The following KCNIP4 variants were observed in gnomAD, a reference collection of about 807,000 sequenced individuals.
KCNIP4 encodes the protein potassium voltage-gated channel interacting protein 4, also known as Kv channel-interacting protein 4.
In KCNIP4, 12 loss-of-function variants were observed where a neutral mutation model predicts 34.0. That is an observed-to-expected ratio of 0.35 (90% confidence interval 0.23 to 0.57). The LOEUF (loss-of-function observed/expected upper bound fraction) is 0.57, where lower values mean the gene tolerates loss of function less well. Among genes scored for constraint, KCNIP4 ranks in the 20% least tolerant of loss-of-function variants. KCNIP4 has a pLI of 0.83. For synonymous variants in KCNIP4, 124 were observed against 102.2 expected (o/e 1.21, Z -1.29); for missense variants, 238 against 311.7 (o/e 0.76, Z 1.78).
intron 1 of KCNIP4, among the ~76,000 whole-genome samples, chr4:21,835,580 T>TA (rs1723268863): frequency 1.9e-5 from 2 of 105,138 alleles, no homozygotes; most frequent in Admixed American, 8.0e-5. Context: ...TTTTCTTACG[T>TA]TTTTTTTTGT....
chr4:21,836,641 T>C (rs1446529245), intron 1 of KCNIP4, among the ~76,000 whole-genome samples: 1 of 152,116 alleles, frequency 6.6e-6, no homozygotes, highest in Non-Finnish European at 1.5e-5. Flanking sequence ...AAAATGCTGG[T>C]CTCTAAAGGA....
chr4:21,715,965 T>A (rs1253792863), intron 1 of KCNIP4, among the ~76,000 whole-genome samples: 1 of 152,194 alleles, frequency 6.6e-6, no homozygotes, highest in East Asian at 1.9e-4. Context: ...GTTACTTTGA[T>A]ACGACTTCTC....
chr4:21,672,914 C>T (rs987751407), intron 1 of KCNIP4, among the ~76,000 whole-genome samples: 5 of 152,192 alleles, frequency 3.3e-5, no homozygotes, highest in Non-Finnish European at 5.9e-5. Flanking sequence ...AGACTGTTGG[C>T]GGGAGGCCTC....
At chr4:20,768,039 A>C (rs1395630098) in intron 3 of KCNIP4, among the ~76,000 whole-genome samples, 2 of 152,204 alleles carry the variant, frequency 1.3e-5, no homozygotes, top group African/African-American at 4.8e-5. Flanking sequence ...GCATTCTATA[A>C]TTGCAGGAGA....
At chr4:21,587,073 A>C (rs765838651) in intron 1 of KCNIP4, among the ~76,000 whole-genome samples, 1 of 152,084 alleles carries the variant, frequency 6.6e-6, no homozygotes, top group Non-Finnish European at 1.5e-5. Context: ...ACTGCTTTGC[A>C]TCTACTTTGA....
intron 1 of KCNIP4, among the ~76,000 whole-genome samples, chr4:21,256,302 G>T (rs1761057314): frequency 6.6e-6 from 1 of 151,662 alleles, no homozygotes; most frequent in Non-Finnish European, 1.5e-5. Context: ...ACAGTGAAGA[G>T]AAAAGTGGCT....
chr4:21,071,899 T>A (rs1744972362), intron 1 of KCNIP4, among the ~76,000 whole-genome samples: 1 of 152,190 alleles, frequency 6.6e-6, no homozygotes, highest in Non-Finnish European at 1.5e-5. Context: ...GGTGTTTGGT[T>A]TTTTGTCCTT....
intron 1 of KCNIP4, among the ~76,000 whole-genome samples, chr4:21,332,785 C>A (rs1330232791): frequency 6.6e-6 from 1 of 152,010 alleles, no homozygotes; most frequent in Non-Finnish European, 1.5e-5. Context: ...CCTGCTGTTT[C>A]CAATTCAAAG....
intron 1 of KCNIP4, among the ~76,000 whole-genome samples, chr4:21,112,046 T>TATCTATCTATCTATCC (rs1749246506): frequency 6.6e-6 from 1 of 151,882 alleles, no homozygotes; most frequent in African/African-American, 2.4e-5. Context: ...TCTATCTATC[T>TATCTATCTATCTATCC]ATCTATCTAT....
At chr4:20,794,308 T>A (rs1013404730) in intron 3 of KCNIP4, among the ~76,000 whole-genome samples, 6 of 152,092 alleles carry the variant, frequency 3.9e-5, no homozygotes, top group African/African-American at 1.2e-4. Flanking sequence ...CAGGCAGTAA[T>A]GTGAGCAATT....
chr4:21,101,723 T>C (rs535929466), intron 1 of KCNIP4, among the ~76,000 whole-genome samples: 2 of 152,260 alleles, frequency 1.3e-5, no homozygotes, highest in African/African-American at 4.8e-5. Context: ...TTATGGTATA[T>C]AAATTTTATT....
Position 21,596,774 on chromosome 4 carries a change from T to C in KCNIP4, c.61+351797A>G, listed in dbSNP as rs573885372. Reference sequence around the variant, plus strand: ...TGCGTCTTCCCCCTCAGTAAAACCTTACTTAGGATCATACTAAACAGTCAC... The same window carrying C: ...TGCGTCTTCCCCCTCAGTAAAACCTCACTTAGGATCATACTAAACAGTCAC... On this transcript the variant is annotated intron_variant, in intron 1 of 8. Coordinates refer to ENST00000382152, the MANE Select transcript of KCNIP4 (RefSeq NM_025221.6). 2.9e-4 allele frequency among the ~76,000 whole-genome samples: 44 copies of C among 152,186 alleles called. No homozygotes were observed. In the South Asian group the frequency reaches 8.9e-3, roughly 31 times the overall value.
chr4:21,441,365 G>C (rs1380232572), intron 1 of KCNIP4, among the ~76,000 whole-genome samples: 2 of 151,634 alleles, frequency 1.3e-5, no homozygotes, highest in Admixed American at 6.6e-5. Context: ...GGATGGTCTC[G>C]ATCTCCTGAC....
At chr4:20,766,707 T>C (rs1755449971) in intron 3 of KCNIP4, 1 of 152,226 alleles carries the variant, frequency 6.6e-6, no homozygotes, top group Non-Finnish European at 1.5e-5. Context: ...AAGCCTGACC[T>C]CATGTCTAGG....
intron 1 of KCNIP4, among the ~76,000 whole-genome samples, chr4:21,027,332 G>A (rs1038632463): frequency 3.9e-5 from 6 of 151,950 alleles, no homozygotes; most frequent in Admixed American, 1.3e-4. Flanking sequence ...GAAGCTGTGC[G>A]GCCCGTGAAG....
chr4:21,339,377 G>C (rs1286594516), intron 1 of KCNIP4, among the ~76,000 whole-genome samples: 1 of 152,154 alleles, frequency 6.6e-6, no homozygotes. Context: ...CAGTTTAGAC[G>C]TAGGATATGG....
At chr4:20,997,988 G>T (rs1276829929) in intron 1 of KCNIP4, among the ~76,000 whole-genome samples, 1 of 152,188 alleles carries the variant, frequency 6.6e-6, no homozygotes, top group Non-Finnish European at 1.5e-5. Context: ...AGGTAGAGCT[G>T]TTAAGCTGAT....
At chr4:20,899,285 A>G (rs1045502397) in intron 1 of KCNIP4, among the ~76,000 whole-genome samples, 2 of 152,220 alleles carry the variant, frequency 1.3e-5, no homozygotes, top group African/African-American at 2.4e-5. Flanking sequence ...TAAGATGGAT[A>G]TGAGTAGCTC....
chr4:20,798,382 G>A (rs1036855320), intron 3 of KCNIP4, among the ~76,000 whole-genome samples: 6 of 152,060 alleles, frequency 3.9e-5, no homozygotes, highest in East Asian at 1.9e-4. Flanking sequence ...GGATAAAAGC[G>A]GTAGATGACA....
Sources: gnomAD v4.1 joint callset for allele counts (sites outside exome capture counted in the v4.1 genomes callset) on GRCh38, gnomAD v4.1.1 for gene constraint, MANE v1.5 for transcripts, NCBI Gene and HGNC (gene_info 2026-07-23, HGNC 2026-07-21) for gene names.